Variants in TLL1 observed in about 807,000 individuals in gnomAD.
TLL1 encodes tolloid-like protein 1.
Under a neutral mutation model 128.2 loss-of-function variants are expected in TLL1, and 49 were observed. The ratio of observed to expected loss-of-function variants is 0.38; its 90% confidence interval spans 0.30 to 0.48. The LOEUF is 0.48. Among genes scored for constraint, TLL1 ranks in the 20% least tolerant of loss-of-function variants. The pLI, the probability that TLL1 is intolerant of heterozygous loss-of-function variation, is 0.96. For missense variants in TLL1, 1,123 were observed against 1,242.0 expected (o/e 0.90, Z 1.44); for synonymous variants, 454 against 418.8 (o/e 1.08, Z -1.03).
At chr4:165,889,766 G>C (rs1359549794) in intron 1 of TLL1, among the ~76,000 whole-genome samples, 2 of 152,038 alleles carry the variant, frequency 1.3e-5, no homozygotes, top group African/African-American at 4.8e-5. Context: ...ACCATCATCA[G>C]TCATTTCAGT....
chr4:166,041,091 A>C (rs1739215958), intron 10 of TLL1, among the ~76,000 whole-genome samples: 1 of 152,190 alleles, frequency 6.6e-6, no homozygotes, highest in South Asian at 2.1e-4. Flanking sequence ...AATTAGAAGA[A>C]ATTAGAAATT....
intron 1 of TLL1, among the ~76,000 whole-genome samples, chr4:165,931,517 G>A (rs1579502805): frequency 6.8e-6 from 1 of 146,770 alleles, no homozygotes; most frequent in South Asian, 2.1e-4. Flanking sequence ...AGGAGATTGA[G>A]ACCTCCTGGC....
At chr4:166,068,541 A>G (rs1186067562) in intron 16 of TLL1, among the ~76,000 whole-genome samples, 1 of 151,810 alleles carries the variant, frequency 6.6e-6, no homozygotes, top group African/African-American at 2.4e-5. Flanking sequence ...AAAACTCACT[A>G]TGGGGGCTTT....
At chr4:165,957,942 T>C (rs1334727404) in intron 1 of TLL1, among the ~76,000 whole-genome samples, 1 of 147,138 alleles carries the variant, frequency 6.8e-6, no homozygotes, top group Non-Finnish European at 1.5e-5. Flanking sequence ...TTCCCATCTA[T>C]GAGTGAGAAC....
intron 1 of TLL1, among the ~76,000 whole-genome samples, chr4:165,923,061 C>A (rs924945959): frequency 6.6e-5 from 10 of 152,176 alleles, no homozygotes; most frequent in East Asian, 5.8e-4. Flanking sequence ...GAATTATAAA[C>A]CACTTTTCAG....
rs543458277 is a variant in TLL1, at chr4:166,102,005, T to C, written c.*1129T>C. ...CATAAACTTTTTTTCAAACAAGTTTTTGACCTTTGAGCCAACCCACCCGTA... is the reference window on the plus strand; with the variant it reads ...CATAAACTTTTTTTCAAACAAGTTTCTGACCTTTGAGCCAACCCACCCGTA... On this transcript the variant is annotated 3_prime_UTR_variant, in exon 21 of 21. Coordinates refer to ENST00000061240, the MANE Select transcript of TLL1 (RefSeq NM_012464.5). The C allele has an allele frequency of 1.4e-4, 21 of 152,590 alleles. No homozygotes were observed. The highest frequency in any genetic ancestry group is 5.1e-4 in the African/African-American group (21 of 41,564). 9.5% of individuals were successfully genotyped at this position (152,590 alleles called of 1,614,324 possible). A position where few individuals can be genotyped will look rare whatever the true frequency, so the allele number is the denominator to read the frequency against.
chr4:165,951,054 C>T (rs1734490493), intron 1 of TLL1, among the ~76,000 whole-genome samples: 1 of 151,806 alleles, frequency 6.6e-6, no homozygotes, highest in African/African-American at 2.4e-5. Flanking sequence ...TTACAAATAC[C>T]AGGAATGAAA....
At chr4:166,039,466 T>C (rs369661857) in intron 10 of TLL1, 25 bp downstream of exon 10, 1 of 1,542,994 alleles carries the variant, frequency 6.5e-7, no homozygotes, top group African/African-American at 1.4e-5. Flanking sequence ...CCCTTTTATG[T>C]GGCTATGTAT....
At chr4:166,090,012 CTT>C (rs1468152890) in intron 18 of TLL1, among the ~76,000 whole-genome samples, 1 of 151,886 alleles carries the variant, frequency 6.6e-6, no homozygotes, top group Non-Finnish European at 1.5e-5. Flanking sequence ...TTTTTAGTCT[CTT>C]TTGTTTTGTA....
In TLL1 at chr4:166,025,431, G is replaced by A; in HGVS notation, c.1158G>A (p.Lys386=). The change falls in exon 9 of 21, where the codon AAG becomes AAA. Residue 386 remains lysine (K), a splice_region_variant and synonymous_variant. Coordinates refer to ENST00000061240, the MANE Select transcript of TLL1 (RefSeq NM_012464.5). ...GAGTTTCTGTGACCCCAGGGGAGAA[G>A]GTAGTTTATACCGTCAAGCCCACTA... is the stretch of plus-strand genomic sequence containing the variant. The part of the protein sequence containing the change: ...IWRVSVTPGE[K]IVLNFTTMDL... 1 of 1,595,536 alleles carries A rather than the reference G, an allele frequency of 6.3e-7. No homozygotes were observed. The highest frequency in any genetic ancestry group is 8.6e-7 in the Non-Finnish European group (1 of 1,163,228).
intron 12 of TLL1, among the ~76,000 whole-genome samples, chr4:166,049,447 T>C (rs1739612719): frequency 6.6e-6 from 1 of 152,204 alleles, no homozygotes; most frequent in South Asian, 2.1e-4. Context: ...ACTGTTCACA[T>C]ACTGTCAAGT....
At chr4:166,076,782 A>T (rs1741049646) in intron 17 of TLL1, among the ~76,000 whole-genome samples, 1 of 152,194 alleles carries the variant, frequency 6.6e-6, no homozygotes, top group South Asian at 2.1e-4. Context: ...ATAATCATAG[A>T]TTATTAGACA....
chr4:166,042,041 G>C lies in TLL1; in HGVS notation c.1276G>C (p.Asp426His), dbSNP rs1375707329. ...ATTTCTTTTAGGTAGATTCTGTGGG[G>C]ACAAATTGCCTGAAGTTCTTACTTC... ...KSPLLGRFCG[D>H]KLPEVLTSTD... The change falls in exon 11 of 21, where the codon GAC (aspartate) becomes CAC (histidine). Residue 426 changes from aspartate to histidine, a missense_variant. By Grantham distance (81) the Asp-to-His change is moderately conservative. This residue lies in a region of TLL1 where 480 missense variants were observed against 542.4 expected (regional missense o/e 0.89). Transcript: ENST00000061240. 1 of 1,610,832 alleles carries C rather than the reference G, an allele frequency of 6.2e-7. No homozygotes were observed. The highest frequency in any genetic ancestry group is 2.2e-5 in the East Asian group (1 of 44,724).
intron 1 of TLL1, among the ~76,000 whole-genome samples, chr4:165,982,420 G>T (rs1289808700): frequency 6.6e-6 from 1 of 151,828 alleles, no homozygotes; most frequent in Non-Finnish European, 1.5e-5. Flanking sequence ...AGAAGAAATA[G>T]AAATCAATAT....
intron 15 of TLL1, among the ~76,000 whole-genome samples, chr4:166,065,425 T>C (rs1329229464): frequency 6.6e-6 from 1 of 151,998 alleles, no homozygotes; most frequent in African/African-American, 2.4e-5. Context: ...AGTATCATTT[T>C]GGACAAGCTA....
At chr4:165,888,821 G>A (rs1473880544) in intron 1 of TLL1, among the ~76,000 whole-genome samples, 2 of 152,134 alleles carry the variant, frequency 1.3e-5, no homozygotes, top group African/African-American at 4.8e-5. Context: ...CCCAGATGTG[G>A]GAATCCCTGA....
At chr4:165,924,542 T>C (rs1733183974) in intron 1 of TLL1, among the ~76,000 whole-genome samples, 1 of 152,204 alleles carries the variant, frequency 6.6e-6, no homozygotes, top group Non-Finnish European at 1.5e-5. Flanking sequence ...TAGCAGAGGT[T>C]AGCTCAGAAG....
At chr4:165,930,500 AAC>A (rs1424228300) in intron 1 of TLL1, among the ~76,000 whole-genome samples, 2 of 152,154 alleles carry the variant, frequency 1.3e-5, no homozygotes, top group Non-Finnish European at 2.9e-5. Flanking sequence ...ATTTTACTGA[AAC>A]ACAGTAAAAT....
intron 1 of TLL1, among the ~76,000 whole-genome samples, chr4:165,949,652 C>T (rs1734416286): frequency 6.6e-6 from 1 of 152,052 alleles, no homozygotes; most frequent in Admixed American, 6.6e-5. Context: ...CACATGGTGG[C>T]AGACGAGAAC....
Sources: gnomAD v4.1 joint callset for allele counts (sites outside exome capture counted in the v4.1 genomes callset) on GRCh38, gnomAD v4.1.1 for gene constraint, gnomAD v4.1.1 regional missense constraint, MANE v1.5 for transcripts, NCBI Gene and HGNC (gene_info 2026-07-23, HGNC 2026-07-21) for gene names.